The following PIK3CD variants were observed in gnomAD, a reference collection of about 807,000 sequenced individuals.
PIK3CD encodes phosphatidylinositol 4,5-bisphosphate 3-kinase catalytic subunit delta isoform.
PIK3CD carries 20 observed loss-of-function variants against 122.9 expected under a neutral mutation model. That is an observed-to-expected ratio of 0.16 (90% CI 0.11 to 0.24). PIK3CD has a LOEUF of 0.24. PIK3CD is among the 10% of genes least tolerant of loss of function. PIK3CD has a pLI of 1.00. For missense variants in PIK3CD, 787 were observed against 1,406.3 expected (o/e 0.56, Z 7.04); for synonymous variants, 596 against 593.4 (o/e 1.00, Z -0.06).
In PIK3CD at chr1:9,723,432, G is replaced by A. The variant is rs975457374; in HGVS notation, c.2594+140G>A. On this transcript the variant is annotated intron_variant, in intron 20 of 23. Coordinates refer to ENST00000377346, the MANE Select transcript of PIK3CD (RefSeq NM_005026.5). This position sits in a 1 kb window ranked among gnomAD's most constrained non-coding sequence, Gnocchi z 4.9. The stretch of plus-strand genomic sequence containing the variant: ...ACTTGGCTCAGTTGAGGACCAGCCT[G>A]TGTCTGGGTTGGGGTGAGGTAGGTC... 6.9e-6 allele frequency: 6 copies of A among 871,176 alleles called. No individual in the cohort carries two copies. The African/African-American group carries it at 1.0e-4, about 14-fold the overall frequency. 54.0% of individuals were successfully genotyped at this position (871,176 alleles called of 1,614,324 possible). A position where few individuals can be genotyped will look rare whatever the true frequency, so the allele number is the denominator to read the frequency against.
At chr1:9,714,987 GT>G (rs1647220863) in intron 3 of PIK3CD, among the ~76,000 whole-genome samples, 1 of 152,024 alleles carries the variant, frequency 6.6e-6, no homozygotes, top group African/African-American at 2.4e-5. Context: ...CTTGGCCAAT[GT>G]AGCGAAACCC....
At chr1:9,645,981 A>G in the PIK3CD span, among the ~76,000 whole-genome samples, 1 of 151,576 alleles carries the variant, frequency 6.6e-6, no homozygotes, top group African/African-American at 2.4e-5. Context: ...CACGTTGGCC[A>G]GGCTGGTCTC....
intron 1 of PIK3CD, among the ~76,000 whole-genome samples, chr1:9,668,509 G>A (rs370927529): frequency 2.6e-5 from 4 of 151,476 alleles, no homozygotes; most frequent in African/African-American, 7.3e-5. Flanking sequence ...TGGGGTACAG[G>A]TGGTTTTTAG....
In PIK3CD at chr1:9,710,632, CAGAGAGAGAGAG is replaced by C; in HGVS notation, c.141+48_141+59del. Reference sequence around the variant, plus strand: ...CATCCGGTCCTCAGACCTTGGTGCTCAGAGAGAGAGAGAGAGAGAGAGACACAGATAGACAGA... The same window carrying C: ...CATCCGGTCCTCAGACCTTGGTGCTCAGAGAGAGAGACACAGATAGACAGA... On this transcript the variant is annotated intron_variant, in intron 3 of 23. Coordinates refer to ENST00000377346, the MANE Select transcript of PIK3CD (RefSeq NM_005026.5). The surrounding 1 kb of genome is among the most constrained non-coding windows in gnomAD (Gnocchi z 4.7). 6.5e-7 allele frequency: 1 copy of C among 1,526,898 alleles called. No individual in the cohort carries two copies. The highest frequency in any genetic ancestry group is 1.1e-5 in the South Asian group (1 of 87,590). 94.6% of individuals were successfully genotyped at this position (1,526,898 alleles called of 1,614,324 possible).
chr1:9,640,123 G>C, the PIK3CD span, among the ~76,000 whole-genome samples: 1 of 151,790 alleles, frequency 6.6e-6, no homozygotes, highest in East Asian at 1.9e-4. Context: ...TGTGACCCCC[G>C]AGATATGCAC....
At position 9,710,746 on chromosome 1, in the gene PIK3CD, C is replaced by A; in HGVS notation, c.141+150C>A. 2.4e-6 allele frequency: 2 copies of A among 838,250 alleles called. No homozygotes were observed. Among genetic ancestry groups the A allele is most frequent in the Non-Finnish European group, 4.0e-6 (2 of 499,280 alleles). 51.9% of individuals were successfully genotyped at this position (838,250 alleles called of 1,614,324 possible). ...ATGCACTGCTTTTCAGACTTGGGAT[C>A]CTCAGATGAGAATTTTAAAAGATAA... On this transcript the variant is annotated intron_variant, in intron 3 of 23. Coordinates refer to ENST00000377346, the MANE Select transcript of PIK3CD (RefSeq NM_005026.5). This position sits in a 1 kb window ranked among gnomAD's most constrained non-coding sequence, Gnocchi z 4.7.
chr1:9,683,793 A>G (rs1368880415), intron 1 of PIK3CD, among the ~76,000 whole-genome samples: 1 of 152,112 alleles, frequency 6.6e-6, no homozygotes, highest in East Asian at 1.9e-4. Flanking sequence ...CTCTGCTCCC[A>G]TGATATCTGG....
Position 9,710,669 on chromosome 1 carries a change from A to C in PIK3CD, c.141+73A>C. ...GAGAGAGAGAGACACAGATAGACAG[A>C]CAGACAGACAGACAGATGGACAGGT... On this transcript the variant is annotated intron_variant, in intron 3 of 23. Coordinates refer to ENST00000377346, the MANE Select transcript of PIK3CD (RefSeq NM_005026.5). This position sits in a 1 kb window ranked among gnomAD's most constrained non-coding sequence, Gnocchi z 4.7. The C allele has an allele frequency of 4.6e-6, 7 of 1,505,872 alleles. No individual in the cohort carries two copies. The South Asian group carries it at 7.9e-5, about 17-fold the overall frequency. The allele number at this position is 1,505,872 out of a possible 1,614,324, so 93.3% of individuals were successfully genotyped here. A position where few individuals can be genotyped will look rare whatever the true frequency, so the allele number is the denominator to read the frequency against.
At position 9,723,674 on chromosome 1, in the gene PIK3CD, G is replaced by A. The variant is rs113645412; in HGVS notation, c.2595-295G>A. Among the ~76,000 whole-genome samples the A allele has an allele frequency of 1.3e-5, 2 of 152,276 alleles. No homozygotes were observed. Among genetic ancestry groups the A allele is most frequent in the African/African-American group, 4.8e-5 (2 of 41,562 alleles). ...TCTGAGATAACCCATCTCATTCCTG[G>A]GGCCTTGGCGCCAGCTGTCTGTGAT... On this transcript the variant is annotated intron_variant, in intron 20 of 23. Transcript: ENST00000377346. This position sits in a 1 kb window ranked among gnomAD's most constrained non-coding sequence, Gnocchi z 4.9.
chr1:9,726,467 C>T (rs1448864523), intron 23 of PIK3CD, among the ~76,000 whole-genome samples: 1 of 152,208 alleles, frequency 6.6e-6, no homozygotes, highest in African/African-American at 2.4e-5. Context: ...CGAGATCATG[C>T]CCCTGCACTC....
intron 1 of PIK3CD, among the ~76,000 whole-genome samples, chr1:9,673,201 C>T (rs759600322): frequency 3.3e-5 from 5 of 151,692 alleles, no homozygotes; most frequent in Admixed American, 1.3e-4. Context: ...TGGGCTTAAC[C>T]CATCTTCCTG....
rs34093717 is a variant in PIK3CD, at chr1:9,719,660, C to CAA, written c.1243-248_1243-247dup. On this transcript the variant is annotated intron_variant, in intron 9 of 23. Transcript: ENST00000377346. The surrounding 1 kb of genome is among the most constrained non-coding windows in gnomAD (Gnocchi z 5.5). ...TGGGTGACAGAGCAAGACTCCGTCT[C>CAA]AAAAAAAAAAAAAAGCCTGAGTAGG... 1.2e-4 allele frequency among the ~76,000 whole-genome samples: 15 copies of CAA among 126,810 alleles called. No homozygotes were observed. Among genetic ancestry groups the CAA allele is most frequent in the Non-Finnish European group, 1.9e-4 (12 of 61,620 alleles). The allele number at this position is 126,810 out of a possible 152,430, so 83.2% of individuals were successfully genotyped here.
chr1:9,662,912 C>T (rs1185660204), intron 1 of PIK3CD, among the ~76,000 whole-genome samples: 1 of 152,138 alleles, frequency 6.6e-6, no homozygotes, highest in Non-Finnish European at 1.5e-5. Context: ...TGATCTCGAA[C>T]TCCTGACCTC....
Position 9,689,514 on chromosome 1 carries a change from C to G in PIK3CD, c.-137-1953C>G, listed in dbSNP as rs1011136277. Among the ~76,000 whole-genome samples the G allele has an allele frequency of 6.8e-6, 1 of 147,266 alleles. No homozygotes were observed. The highest frequency in any genetic ancestry group is 2.0e-4 in the East Asian group (1 of 5,090). On this transcript the variant is annotated intron_variant, in intron 1 of 23. Coordinates refer to ENST00000377346, the MANE Select transcript of PIK3CD (RefSeq NM_005026.5). The surrounding 1 kb of genome is among the most constrained non-coding windows in gnomAD (Gnocchi z 6.1). ...CCAGCCGGCGCCCCGCCCCGCCTGC[C>G]AGTAGTCCCAGCCCCGCCCCGGGCC...
chr1:9,712,365 C>T (rs540443817), intron 3 of PIK3CD, among the ~76,000 whole-genome samples: 2 of 152,080 alleles, frequency 1.3e-5, no homozygotes, highest in Non-Finnish European at 2.9e-5. Context: ...ACTGCAACCT[C>T]CGCCTCCCAG....
intron 1 of PIK3CD, among the ~76,000 whole-genome samples, chr1:9,673,417 A>T (rs1645399039): frequency 6.6e-6 from 1 of 152,084 alleles, no homozygotes; most frequent in African/African-American, 2.4e-5. Context: ...GCACAACGCC[A>T]CATCTGGCTA....
Position 9,721,601 on chromosome 1 carries a change from C to T in PIK3CD, c.1955+14C>T. On this transcript the variant is annotated intron_variant, in intron 15 of 23. Coordinates refer to ENST00000377346, the MANE Select transcript of PIK3CD (RefSeq NM_005026.5). ...CTGGCACCTCCGGTAGCGGGACTTG[C>T]CCCAGCCGTTCTGTGGGAATCCCAG... The T allele has an allele frequency of 6.2e-7, 1 of 1,612,380 alleles. No individual in the cohort carries two copies. The highest frequency in any genetic ancestry group is 8.5e-7 in the Non-Finnish European group (1 of 1,179,968).
rs1647743296 is a variant in PIK3CD at position 9,717,693 on chromosome 1, AG to A, written c.1020+71del. On this transcript the variant is annotated intron_variant, in intron 8 of 23. Transcript: ENST00000377346. This position sits in a 1 kb window ranked among gnomAD's most constrained non-coding sequence, Gnocchi z 5.4. ...CACAAACAAGGTGGCTGTATCCTGG[AG>A]GGGTAGCAGAGGAAGGAGGGGGATC... The A allele has an allele frequency of 7.1e-7, 1 of 1,405,904 alleles. No individual in the cohort carries two copies. Among genetic ancestry groups the A allele is most frequent in the Non-Finnish European group, 1.0e-6 (1 of 999,872 alleles). 87.1% of individuals were successfully genotyped at this position (1,405,904 alleles called of 1,614,324 possible). A position where few individuals can be genotyped will look rare whatever the true frequency, so the allele number is the denominator to read the frequency against.
the PIK3CD span, among the ~76,000 whole-genome samples, chr1:9,643,423 TGAGA>T: frequency 1.6e-4 from 17 of 104,506 alleles, no homozygotes; most frequent in Admixed American, 7.1e-4. Context: ...AGACAGAAAG[TGAGA>T]GAGAGAGAGA....
Sources: gnomAD v4.1 joint callset for allele counts (sites outside exome capture counted in the v4.1 genomes callset) on GRCh38, gnomAD v4.1.1 for gene constraint, Gnocchi (gnomAD v3.1) non-coding constraint, MANE v1.5 for transcripts, NCBI Gene and HGNC (gene_info 2026-07-23, HGNC 2026-07-21) for gene names.